Variants in SUGCT observed in about 807,000 individuals in gnomAD.
SUGCT encodes succinyl-CoA:glutarate CoA-transferase.
A neutral mutation model predicts 55.0 loss-of-function variants in SUGCT; 41 were observed. The observed-to-expected ratio is 0.74, with a 90% CI of 0.58 to 0.97. The LOEUF is 0.97. Among genes scored for constraint, SUGCT ranks in the 50% least tolerant of loss-of-function variants. The pLI, the probability that SUGCT is intolerant of heterozygous loss-of-function variation, is 0.00. For synonymous variants in SUGCT, 187 were observed against 200.4 expected, an observed-to-expected ratio of 0.93 and a Z score of 0.56; for missense variants, 568 against 547.8, an observed-to-expected ratio of 1.04 and a Z score of -0.37.
At chr7:40,830,996 C>T (rs1003807409) in intron 13 of SUGCT, among the ~76,000 whole-genome samples, 7 of 152,202 alleles carry the variant, frequency 4.6e-5, no homozygotes, top group Admixed American at 3.3e-4. Context: ...TTGATCTTCA[C>T]AAACACCCTG....
intron 13 of SUGCT, among the ~76,000 whole-genome samples, chr7:40,755,837 G>A (rs1326053010): frequency 2.0e-5 from 3 of 152,158 alleles, no homozygotes; most frequent in Non-Finnish European, 2.9e-5. Flanking sequence ...AAAAGGATTC[G>A]AAATTGAATT....
chr7:40,681,615 G>T (rs975824252), intron 12 of SUGCT, among the ~76,000 whole-genome samples: 2 of 152,166 alleles, frequency 1.3e-5, no homozygotes, highest in Non-Finnish European at 1.5e-5. Context: ...GCAGGTAAGG[G>T]TTTTTAAAGG....
intron 13 of SUGCT, among the ~76,000 whole-genome samples, chr7:40,807,831 A>G (rs1187901457): frequency 6.6e-6 from 1 of 152,220 alleles, no homozygotes; most frequent in Non-Finnish European, 1.5e-5. Context: ...CCGATTCCCA[A>G]AGCTGAAGAA....
the SUGCT span, among the ~76,000 whole-genome samples, chr7:40,907,134 TGTGTGTGAGAGA>T: frequency 1.6e-3 from 72 of 44,942 alleles, no homozygotes; most frequent in Middle Eastern, 0.024. Context: ...TGTGTGTGTG[TGTGTGTGAGAGA>T]GAGAGAGAGA....
intron 6 of SUGCT, among the ~76,000 whole-genome samples, chr7:40,227,728 A>T (rs964248395): frequency 6.6e-6 from 1 of 150,702 alleles, no homozygotes; most frequent in Non-Finnish European, 1.5e-5. Context: ...GTAGGAAAGG[A>T]CTCTTTTTTT....
chr7:40,346,823 A>G (rs1797339394), intron 9 of SUGCT, among the ~76,000 whole-genome samples: 1 of 152,148 alleles, frequency 6.6e-6, no homozygotes, highest in Admixed American at 6.5e-5. Context: ...CTCCTTGTAC[A>G]TTTACTGAGG....
At chr7:40,448,005 G>T (rs1025652173) in intron 9 of SUGCT, among the ~76,000 whole-genome samples, 23 of 152,294 alleles carry the variant, frequency 1.5e-4, no homozygotes, top group African/African-American at 5.1e-4. Context: ...GGCTAGGACT[G>T]TGGGTGGTTA....
rs1296436615 is a variant in SUGCT, at chr7:40,636,141, C to T, written c.1090-113293C>T. On this transcript the variant is annotated intron_variant, in intron 12 of 13. Coordinates refer to ENST00000335693, the MANE Select transcript of SUGCT (RefSeq NM_001193313.2). ...GATAACATTTATTTTGCTTATGAAT[C>T]TGACATTTGGGGAGGGCTGGATGAG... 2.0e-5 allele frequency among the ~76,000 whole-genome samples: 3 copies of T among 152,164 alleles called. No homozygotes were observed. In the East Asian group the frequency reaches 5.8e-4, roughly 29 times the overall value.
chr7:40,445,958 A>C lies in SUGCT; in HGVS notation c.817-3329A>C, dbSNP rs146593332. On this transcript the variant is annotated intron_variant, in intron 9 of 13. Coordinates refer to ENST00000335693, the MANE Select transcript of SUGCT (RefSeq NM_001193313.2). ...ATGATCATTGACTAGTTACCTTTGC[A>C]TAAAATTATTATGTTTACTGGTTTG... Among the ~76,000 whole-genome samples the C allele has an allele frequency of 2.1e-3, 317 of 152,142 alleles. 1 individual carries two copies. The highest frequency in any genetic ancestry group is 6.9e-3 in the African/African-American group (287 of 41,552).
chr7:40,385,845 C>G (rs1159455752), intron 9 of SUGCT, among the ~76,000 whole-genome samples: 1 of 152,016 alleles, frequency 6.6e-6, no homozygotes, highest in African/African-American at 2.4e-5. Flanking sequence ...CTTATAAAAC[C>G]AATAATTTGT....
At chr7:40,694,243 C>T (rs558833612) in intron 12 of SUGCT, among the ~76,000 whole-genome samples, 3 of 152,274 alleles carry the variant, frequency 2.0e-5, no homozygotes, top group South Asian at 4.1e-4. Flanking sequence ...TTCCGTTGTG[C>T]GAAAAGCTGA....
intron 9 of SUGCT, among the ~76,000 whole-genome samples, chr7:40,343,703 C>T (rs1295336024): frequency 6.6e-6 from 1 of 152,084 alleles, no homozygotes; most frequent in East Asian, 1.9e-4. Context: ...GTCGCCCAGG[C>T]TGGAGTGCAG....
intron 12 of SUGCT, among the ~76,000 whole-genome samples, chr7:40,647,945 T>C (rs760803041): frequency 6.6e-6 from 1 of 152,170 alleles, no homozygotes; most frequent in Non-Finnish European, 1.5e-5. Flanking sequence ...AACCCACAGC[T>C]ATCCTACATC....
At chr7:40,863,475 T>C (rs1306796755), downstream of SUGCT, among the ~76,000 whole-genome samples, 1 of 152,206 alleles carries the variant, frequency 6.6e-6, no homozygotes, top group Non-Finnish European at 1.5e-5. Context: ...CAATGTTTCA[T>C]TCATACGTAG....
At chr7:40,735,851 A>G (rs962123688) in intron 12 of SUGCT, among the ~76,000 whole-genome samples, 1 of 152,164 alleles carries the variant, frequency 6.6e-6, no homozygotes, top group African/African-American at 2.4e-5. Flanking sequence ...CTACAAATCT[A>G]CTGTCCTATA....
chr7:40,960,521 A>C, the SUGCT span, among the ~76,000 whole-genome samples: 2 of 152,228 alleles, frequency 1.3e-5, no homozygotes. Flanking sequence ...GACAATACAT[A>C]AGCATTTCAG....
chr7:40,937,606 T>C, the SUGCT span, among the ~76,000 whole-genome samples: 2 of 152,232 alleles, frequency 1.3e-5, no homozygotes, highest in Non-Finnish European at 2.9e-5. Context: ...ATAATTGTTA[T>C]ATATTCTTGA....
intron 13 of SUGCT, among the ~76,000 whole-genome samples, chr7:40,749,870 C>A (rs1787921290): frequency 6.6e-6 from 1 of 152,138 alleles, no homozygotes; most frequent in Admixed American, 6.5e-5. Context: ...GAAAGCCAGG[C>A]AAGATGTAAC....
intron 9 of SUGCT, among the ~76,000 whole-genome samples, chr7:40,373,286 T>TTTAGAA (rs1784376891): frequency 1.3e-5 from 2 of 152,010 alleles, no homozygotes; most frequent in Non-Finnish European, 2.9e-5. Context: ...ATATATAGAA[T>TTTAGAA]TCAGAATCTA....
Sources: allele counts gnomAD v4.1 joint callset (sites outside exome capture counted in the v4.1 genomes callset), GRCh38; gene constraint gnomAD v4.1.1; transcripts MANE v1.5; gene names NCBI Gene and HGNC (gene_info 2026-07-23, HGNC 2026-07-21).